BAZ2A: variants seen among roughly 807,000 people sequenced by gnomAD.
BAZ2A encodes the protein bromodomain adjacent to zinc finger domain 2A, also known as bromodomain adjacent to zinc finger domain protein 2A.
BAZ2A carries 34 observed loss-of-function variants against 199.9 expected under a neutral mutation model. That is an observed-to-expected ratio of 0.17 (90% CI 0.13 to 0.23). BAZ2A has a LOEUF of 0.23. Among genes scored for constraint, BAZ2A ranks in the 10% least tolerant of loss-of-function variants. The pLI, the probability that BAZ2A is intolerant of heterozygous loss-of-function variation, is 1.00. For synonymous variants in BAZ2A, 857 were observed against 883.9 expected, an observed-to-expected ratio of 0.97 and a Z score of 0.54; for missense variants, 2,002 against 2,391.1, an observed-to-expected ratio of 0.84 and a Z score of 3.39.
chr12:56,600,632 G>T (rs747369899), intron 23 of BAZ2A, 49 bp downstream of exon 23: 1 of 1,599,288 alleles, frequency 6.3e-7, no homozygotes, highest in Non-Finnish European at 8.5e-7. Context: ...GGGCATAAGG[G>T]ACTAATGCTT....
chr12:56,600,129 G>A (rs1264709610), intron 24 of BAZ2A, 33 bp from the exon 25 acceptor site: 3 of 1,612,878 alleles, frequency 1.9e-6, no homozygotes, highest in Non-Finnish European at 2.5e-6. Flanking sequence ...TTTGGAGAAG[G>A]AGCGGATCCA....
chr12:56,628,821 G>C lies in BAZ2A; in HGVS notation c.-3+1304C>G, dbSNP rs1423232975. ...CTACTCGTGCCACAAAAGCTCTCTA[G>C]TCTCCCTGACAGCTCTCTATGCTGA... On this transcript the variant is annotated intron_variant, in intron 1 of 28. Transcript: ENST00000549884. 2.6e-5 allele frequency among the ~76,000 whole-genome samples: 4 copies of C among 152,176 alleles called. No homozygotes were observed. The South Asian group carries it at 8.3e-4, about 31-fold the overall frequency.
Position 56,615,295 on chromosome 12 carries a change from T to G in BAZ2A, c.449A>C (p.Asn150Thr). ...AAGCCCCATGGGACTCTGGGTACCG[T>G]TGGCCCAGAACTCTTGGCTCCCAGC... ...LRAGSQEFWA[N>T]GTQSPMGLNF... The change falls in exon 3 of 29, where the codon AAC becomes ACC. Residue 150 changes from asparagine (N) to threonine (T), a missense_variant. Physicochemically the swap from Asn to Thr is moderately conservative, Grantham distance 65 (BLOSUM62 0). This residue lies in a region of BAZ2A where 641 missense variants were observed against 694.5 expected (regional missense o/e 0.92). Coordinates refer to ENST00000549884, the MANE Select transcript of BAZ2A (RefSeq NM_001300905.2). 2 of 1,613,972 alleles carry G rather than the reference T, an allele frequency of 1.2e-6. No homozygotes were observed. The highest frequency in any genetic ancestry group is 1.1e-5 in the South Asian group (1 of 91,082).
intron 11 of BAZ2A, 54 bp from the exon 12 acceptor site, chr12:56,606,366 TG>T: frequency 6.2e-7 from 1 of 1,603,112 alleles, no homozygotes; most frequent in Non-Finnish European, 8.5e-7. Flanking sequence ...CATCTCTGCT[TG>T]GGCTAGGATT....
In BAZ2A at chr12:56,598,273, G is replaced by GGGGAGGAGAGGAAGCA. The variant is rs1184125659; in HGVS notation, c.*329_*344dup. 1 of 280,822 alleles carries GGGGAGGAGAGGAAGCA rather than the reference G, an allele frequency of 3.6e-6. No individual in the cohort carries two copies. The highest frequency in any genetic ancestry group is 2.2e-5 in the African/African-American group (1 of 44,842). The allele number at this position is 280,822 out of a possible 1,614,324, so 17.4% of individuals were successfully genotyped here. A position where few individuals can be genotyped will look rare whatever the true frequency, so the allele number is the denominator to read the frequency against. ...ACCCCAGAATGCTGGGGCACGTACA[G>GGGGAGGAGAGGAAGCA]GGGAGGAGAGGAAGCAGGGAGGAGG... On this transcript the variant is annotated 3_prime_UTR_variant, in exon 29 of 29. Transcript: ENST00000549884.
chr12:56,603,422 G>T lies in BAZ2A; in HGVS notation c.3220-4C>A. ...TGCTAGATGCTGTGGCATCAACCTAGGGAGAAACACATGGGCATTATGAAA... is the reference window on the plus strand; with the variant it reads ...TGCTAGATGCTGTGGCATCAACCTATGGAGAAACACATGGGCATTATGAAA... On this transcript the variant is annotated splice_region_variant and splice_polypyrimidine_tract_variant and intron_variant, in intron 17 of 28. Coordinates refer to ENST00000549884, the MANE Select transcript of BAZ2A (RefSeq NM_001300905.2). 6.2e-7 allele frequency: 1 copy of T among 1,613,954 alleles called. No individual in the cohort carries two copies. Among genetic ancestry groups the T allele is most frequent in the Non-Finnish European group, 8.5e-7 (1 of 1,179,872 alleles).
At chr12:56,607,458 A>C (rs1396665085) in intron 10 of BAZ2A, among the ~76,000 whole-genome samples, 1 of 151,658 alleles carries the variant, frequency 6.6e-6, no homozygotes, top group African/African-American at 2.4e-5. Context: ...TGCAATCTCC[A>C]CCTCCCAGGT....
rs753893113 is a variant in BAZ2A, at chr12:56,600,201, A to G, written c.4892T>C (p.Ile1631Thr). The G allele has an allele frequency of 1.2e-6, 2 of 1,613,048 alleles. No individual in the cohort carries two copies. The highest frequency in any genetic ancestry group is 2.2e-5 in the South Asian group (2 of 91,078). Residue 1631 changes from isoleucine to threonine, a missense_variant and splice_region_variant, in exon 24 of 29, where the codon ATA becomes ACA. By Grantham distance (89) the Ile-to-Thr change is moderately conservative. Coordinates refer to ENST00000549884, the MANE Select transcript of BAZ2A (RefSeq NM_001300905.2). The part of the protein sequence containing the change: ...NGAPEGTTTE[I>T]SYEITPRIRV... ...AGAATGGAGGGTGGGAGTCACTCAC[A>G]TCTCTGTAGTGGTGCCCTCAGGGGC...
At chr12:56,620,165 T>TAA (rs546559926) in intron 1 of BAZ2A, among the ~76,000 whole-genome samples, 5,830 of 141,832 alleles carry the variant, frequency 0.041, 374 homozygotes, top group African/African-American at 0.14. Context: ...TGATGAGCTT[T>TAA]AAAAAAAAAA....
chr12:56,608,221 A>C (rs1485270555), intron 10 of BAZ2A, among the ~76,000 whole-genome samples: 1 of 151,810 alleles, frequency 6.6e-6, no homozygotes, highest in Non-Finnish European at 1.5e-5. Context: ...AAATACAAAA[A>C]ATTAGCCAGG....
At position 56,596,577 on chromosome 12, in the gene BAZ2A, C is replaced by T. The variant is rs768012212; in HGVS notation, c.*2041G>A. 6 of 152,438 alleles carry T rather than the reference C, an allele frequency of 3.9e-5. No homozygotes were observed. Among genetic ancestry groups the T allele is most frequent in the Non-Finnish European group, 5.9e-5 (4 of 68,016 alleles). The allele number at this position is 152,438 out of a possible 1,614,324, so 9.4% of individuals were successfully genotyped here. A position where few individuals can be genotyped will look rare whatever the true frequency, so the allele number is the denominator to read the frequency against. On this transcript the variant is annotated 3_prime_UTR_variant, in exon 29 of 29. Transcript: ENST00000549884. ...CTCACAATTTCACTCCCCCATCCAC[C>T]TCACAATGAAATTAATCTAGCACAT... is the stretch of plus-strand genomic sequence containing the variant.
rs778226606 is a variant in BAZ2A at position 56,601,936 on chromosome 12, A to G, written c.3681T>C (p.Ala1227=). 5.1e-6 allele frequency: 8 copies of G among 1,580,790 alleles called. No individual in the cohort carries two copies. ...AQLQPEAQLH[A]PAQPQPQLQL... is the part of the protein sequence containing the mutation. ...GAAGCTGAGGCTGGGGCTGGGCAGG[A>G]GCATGAAGCTGAGCCTCAGGCTGAA... Residue 1227 remains alanine, a synonymous_variant, in exon 20 of 29, where the codon GCT becomes GCC. Coordinates refer to ENST00000549884, the MANE Select transcript of BAZ2A (RefSeq NM_001300905.2).
At chr12:56,610,663 T>C (rs1434898290) in intron 7 of BAZ2A, 146 bp from the exon 8 acceptor site, 2 of 689,346 alleles carry the variant, frequency 2.9e-6, no homozygotes, top group Non-Finnish European at 4.9e-6. Context: ...CCAAGAGAGA[T>C]AAGCTTGGCT....
chr12:56,602,981 C>A, intron 18 of BAZ2A, 124 bp from the exon 19 acceptor site: 2 of 1,183,214 alleles, frequency 1.7e-6, no homozygotes, highest in Non-Finnish European at 1.2e-6. Flanking sequence ...GCCATCTGGG[C>A]CTAATTCAGA....
chr12:56,601,349 C>A lies in BAZ2A; in HGVS notation c.4125G>T (p.Thr1375=), dbSNP rs1886458859. 1 of 1,613,970 alleles carries A rather than the reference C, an allele frequency of 6.2e-7. No homozygotes were observed. Among genetic ancestry groups the A allele is most frequent in the South Asian group, 1.1e-5 (1 of 91,088 alleles). Residue 1375 remains threonine, a synonymous_variant, in exon 21 of 29, where the codon ACG becomes ACT. Coordinates refer to ENST00000549884, the MANE Select transcript of BAZ2A (RefSeq NM_001300905.2). ...NPCSPVQFSS[T]PLAGLAPKRR... is the part of the protein sequence containing the mutation. ...TCTTAGGGGCCAACCCAGCCAAGGG[C>A]GTGGAAGAGAACTGCACTGGAGAAC...
At chr12:56,628,388 G>A (rs189726081) in intron 1 of BAZ2A, among the ~76,000 whole-genome samples, 30 of 152,006 alleles carry the variant, frequency 2.0e-4, no homozygotes, top group Admixed American at 1.9e-3. Flanking sequence ...AAAAATCTGG[G>A]CACGACTTTG....
Position 56,622,754 on chromosome 12 carries a change from G to C in BAZ2A, c.-2-5222C>G, listed in dbSNP as rs541921858. On this transcript the variant is annotated intron_variant, in intron 1 of 28. Coordinates refer to ENST00000549884, the MANE Select transcript of BAZ2A (RefSeq NM_001300905.2). ...CATACCAGGAAGTACATTCATTCAAGCACCCAGCCCAGTCCCAGCTATACA... is the reference window on the plus strand; with the variant it reads ...CATACCAGGAAGTACATTCATTCAACCACCCAGCCCAGTCCCAGCTATACA... 9.0e-4 allele frequency among the ~76,000 whole-genome samples: 137 copies of C among 152,286 alleles called. 1 individual carries two copies. Among genetic ancestry groups the C allele is most frequent in the African/African-American group, 3.2e-3 (132 of 41,560 alleles).
chr12:56,597,600 GACACACACAC>G lies in BAZ2A; in HGVS notation c.*1008_*1017del, dbSNP rs781134279. On this transcript the variant is annotated 3_prime_UTR_variant, in exon 29 of 29. Coordinates refer to ENST00000549884, the MANE Select transcript of BAZ2A (RefSeq NM_001300905.2). ...CACACACAGCGCGCGCTCTGAGGCT[GACACACACAC>G]ACACACACACAGCGCGCTCTGAGGC... 2 of 81,368 alleles carry G rather than the reference GACACACACAC, an allele frequency of 2.5e-5. No homozygotes were observed. The highest frequency in any genetic ancestry group is 1.4e-4 in the Admixed American group (1 of 7,242). The allele number at this position is 81,368 out of a possible 1,614,324, so 5.0% of individuals were successfully genotyped here. A position where few individuals can be genotyped will look rare whatever the true frequency, so the allele number is the denominator to read the frequency against.
intron 1 of BAZ2A, among the ~76,000 whole-genome samples, chr12:56,627,817 C>T (rs374295703): frequency 7.2e-6 from 1 of 138,960 alleles, no homozygotes; most frequent in Non-Finnish European, 1.5e-5. Context: ...CGGAGTGAGA[C>T]CCTGTCTCAA....
Sources: allele counts gnomAD v4.1 joint callset (sites outside exome capture counted in the v4.1 genomes callset), GRCh38; gene constraint gnomAD v4.1.1; regional missense constraint gnomAD v4.1.1; transcripts MANE v1.5; gene names NCBI Gene and HGNC (gene_info 2026-07-23, HGNC 2026-07-21).